Variants in PARD3 observed in about 807,000 individuals in gnomAD.
The protein encoded by PARD3 is partitioning defective 3 homolog.
A neutral mutation model predicts 155.4 loss-of-function variants in PARD3; 75 were observed. That is an observed-to-expected ratio of 0.48 (90% CI 0.40 to 0.58). The LOEUF (loss-of-function observed/expected upper bound fraction) is 0.58. PARD3 is among the 20% of genes least tolerant of loss of function. The pLI is 0.00. For synonymous variants in PARD3, 576 were observed against 610.5 expected (o/e 0.94, Z 0.83); for missense variants, 1,642 against 1,721.7 (o/e 0.95, Z 0.82).
intron 1 of PARD3, among the ~76,000 whole-genome samples, chr10:34,707,681 T>A (rs1272954615): frequency 6.6e-6 from 1 of 152,210 alleles, no homozygotes; most frequent in Non-Finnish European, 1.5e-5. Context: ...TATTACATCT[T>A]TAAAATGGTT....
At chr10:34,692,644 G>A (rs2133443008) in intron 2 of PARD3, among the ~76,000 whole-genome samples, 1 of 152,342 alleles carries the variant, frequency 6.6e-6, no homozygotes, top group East Asian at 1.9e-4. Flanking sequence ...GGAGGCCAAG[G>A]AGGGTGGATC....
rs74132063 is a variant in PARD3, at chr10:34,586,176, G to A, written c.223-69017C>T. Among the ~76,000 whole-genome samples, 1,204 of 152,190 alleles carry A rather than the reference G, an allele frequency of 7.9e-3. 17 individuals are homozygous for A. Among genetic ancestry groups the A allele is most frequent in the African/African-American group, 0.028 (1,151 of 41,532 alleles). On this transcript the variant is annotated intron_variant, in intron 2 of 24. Coordinates refer to ENST00000374788, the MANE Select transcript of PARD3 (RefSeq NM_001184785.2). The stretch of plus-strand genomic sequence containing the variant: ...TGGAAATCCCTGAAAATAAAGATAC[G>A]GGTGGATAAGGTAAAAAGAACCAAG...
chr10:34,738,780 G>A (rs1207140413), intron 1 of PARD3, among the ~76,000 whole-genome samples: 1 of 152,068 alleles, frequency 6.6e-6, no homozygotes. Flanking sequence ...GAGGTCAGGG[G>A]GAGGATGGGT....
intron 15 of PARD3, chr10:34,343,735 A>G: frequency 1.0e-6 from 1 of 984,562 alleles, no homozygotes; most frequent in South Asian, 4.7e-5. Flanking sequence ...TAAATGTGAA[A>G]CCTTCTATGA....
At chr10:34,341,490 TAA>T in intron 16 of PARD3, 135 bp downstream of exon 16, 1 of 568,994 alleles carries the variant, frequency 1.8e-6, no homozygotes, top group East Asian at 3.1e-5. Flanking sequence ...TCTTTTATTA[TAA>T]GAGTGATAAG....
chr10:34,707,342 T>C (rs2094380911), intron 1 of PARD3, among the ~76,000 whole-genome samples: 1 of 151,920 alleles, frequency 6.6e-6, no homozygotes, highest in Non-Finnish European at 1.5e-5. Context: ...TCTAATCACA[T>C]CATGATTTAA....
intron 2 of PARD3, among the ~76,000 whole-genome samples, chr10:34,613,225 A>C (rs2132639860): frequency 6.6e-6 from 1 of 152,320 alleles, no homozygotes; most frequent in South Asian, 2.1e-4. Context: ...CAAAGTGAAC[A>C]ACAAATCAAA....
At position 34,413,218 on chromosome 10, in the gene PARD3, T is replaced by C. The variant is rs66474287; in HGVS notation, c.715-11301A>G. On this transcript the variant is annotated intron_variant, in intron 5 of 24. Coordinates refer to ENST00000374788, the MANE Select transcript of PARD3 (RefSeq NM_001184785.2). ...CTTTGTAACTGATAAGAAACTAAAG[T>C]CAATTTTAAAAAATAGGACGGTAGG... 9.6e-3 allele frequency among the ~76,000 whole-genome samples: 1,434 copies of C among 149,330 alleles called. 14 individuals are homozygous for C. The highest frequency in any genetic ancestry group is 0.018 in the Non-Finnish European group (1,196 of 67,582).
rs538513470 is a variant in PARD3 at position 34,176,469 on chromosome 10, G to C, written c.3420-44886C>G. ...GTTTATTGAGAGACAGCCTCAATTA[G>C]CTGATGGTGGAAGTAGATAATGTGT... is the stretch of plus-strand genomic sequence containing the variant. On this transcript the variant is annotated intron_variant, in intron 22 of 24. Coordinates refer to ENST00000374788, the MANE Select transcript of PARD3 (RefSeq NM_001184785.2). Among the ~76,000 whole-genome samples, 5 of 152,308 alleles carry C rather than the reference G, an allele frequency of 3.3e-5. No individual in the cohort carries two copies. The South Asian group carries it at 1.0e-3, about 32-fold the overall frequency.
intron 14 of PARD3, among the ~76,000 whole-genome samples, chr10:34,349,849 T>A (rs1356789518): frequency 6.6e-6 from 1 of 152,206 alleles, no homozygotes; most frequent in Non-Finnish European, 1.5e-5. Flanking sequence ...ATAAAACTTC[T>A]TCTTGAGAAA....
intron 5 of PARD3, among the ~76,000 whole-genome samples, chr10:34,441,463 G>A (rs1276120687): frequency 6.6e-6 from 1 of 152,150 alleles, no homozygotes; most frequent in Non-Finnish European, 1.5e-5. Flanking sequence ...CAGTCTTAGG[G>A]GTCAGAAACA....
At chr10:34,123,755 T>A (rs1290683780) in intron 23 of PARD3, among the ~76,000 whole-genome samples, 1 of 152,138 alleles carries the variant, frequency 6.6e-6, no homozygotes, top group Admixed American at 6.5e-5. Flanking sequence ...ATTAAGTCTT[T>A]AAGCATTTCT....
rs147875447 is a variant in PARD3, at chr10:34,789,253, G to A, written c.120+25623C>T. Among the ~76,000 whole-genome samples the A allele has an allele frequency of 3.3e-5, 5 of 152,062 alleles. 1 individual carries two copies. The highest frequency in any genetic ancestry group is 7.4e-5 in the Non-Finnish European group (5 of 67,986). On this transcript the variant is annotated intron_variant, in intron 1 of 24. Coordinates refer to ENST00000374788, the MANE Select transcript of PARD3 (RefSeq NM_001184785.2). ...GCCGCAGTGAGCCATGAAGAATTGTGCCGCAGCACTCCAGCCTGGGCGACA... is the reference window on the plus strand; with the variant it reads ...GCCGCAGTGAGCCATGAAGAATTGTACCGCAGCACTCCAGCCTGGGCGACA...
chr10:34,489,089 G>A (rs1294460532), intron 3 of PARD3, among the ~76,000 whole-genome samples: 1 of 152,192 alleles, frequency 6.6e-6, no homozygotes, highest in African/African-American at 2.4e-5. Flanking sequence ...TGTAATCTCA[G>A]AACTTTGGGA....
chr10:34,589,666 T>C (rs1481836338), intron 2 of PARD3, among the ~76,000 whole-genome samples: 3 of 132,122 alleles, frequency 2.3e-5, no homozygotes, highest in Non-Finnish European at 1.6e-5. Flanking sequence ...AAACCAAGCA[T>C]GTCAAAATAT....
intron 2 of PARD3, among the ~76,000 whole-genome samples, chr10:34,622,312 G>A (rs1383096655): frequency 6.6e-6 from 1 of 152,160 alleles, no homozygotes; most frequent in Non-Finnish European, 1.5e-5. Context: ...TATTAATTCT[G>A]AATTTTCAGA....
At chr10:34,134,501 C>G (rs1235733662) in intron 22 of PARD3, among the ~76,000 whole-genome samples, 2 of 152,194 alleles carry the variant, frequency 1.3e-5, no homozygotes, top group Non-Finnish European at 2.9e-5. Flanking sequence ...GTTTTCCCGA[C>G]AAAGGGAGTT....
At chr10:34,410,613 C>T (rs1173656166) in intron 5 of PARD3, among the ~76,000 whole-genome samples, 1 of 152,160 alleles carries the variant, frequency 6.6e-6, no homozygotes, top group Non-Finnish European at 1.5e-5. Flanking sequence ...AATGACCGAG[C>T]CAATTGATAT....
intron 5 of PARD3, among the ~76,000 whole-genome samples, chr10:34,422,027 G>A (rs141254247): frequency 6.6e-6 from 1 of 152,204 alleles, no homozygotes. Flanking sequence ...CCAGGCAGAG[G>A]ACCAGACCAA....
Sources: allele counts gnomAD v4.1 joint callset (sites outside exome capture counted in the v4.1 genomes callset), GRCh38; gene constraint gnomAD v4.1.1; transcripts MANE v1.5; gene names NCBI Gene and HGNC (gene_info 2026-07-23, HGNC 2026-07-21).